The following PACS2 variants were observed in gnomAD, a reference collection of about 807,000 sequenced individuals.
PACS2 encodes the protein PACS1-like protein.
Under a neutral mutation model 113.0 loss-of-function variants are expected in PACS2, and 36 were observed. That is an observed-to-expected ratio of 0.32 (90% CI 0.24 to 0.42). The LOEUF is 0.42. Among genes scored for constraint, PACS2 ranks in the 10% least tolerant of loss-of-function variants. PACS2 has a pLI of 1.00. For synonymous variants in PACS2, 589 were observed against 536.1 expected (o/e 1.10, Z -1.36); for missense variants, 1,015 against 1,239.5 (o/e 0.82, Z 2.72).
intron 8 of PACS2, among the ~76,000 whole-genome samples, chr14:105,375,684 G>A (rs1385263358): frequency 1.3e-5 from 2 of 152,176 alleles, no homozygotes; most frequent in Admixed American, 1.3e-4. Context: ...GTAACAGCAG[G>A]AACCCACACC....
At chr14:105,368,172 C>T (rs782019866) in intron 6 of PACS2, 25 bp downstream of exon 6, 2 of 1,542,194 alleles carry the variant, frequency 1.3e-6, no homozygotes, top group South Asian at 1.1e-5. Flanking sequence ...GGGCTCCGCG[C>T]CCTCTCCTGG....
chr14:105,360,757 T>C (rs2060651820), intron 4 of PACS2, among the ~76,000 whole-genome samples: 1 of 152,150 alleles, frequency 6.6e-6, no homozygotes, highest in Non-Finnish European at 1.5e-5. Context: ...TAGTTCCCTG[T>C]CGCATGCGGT....
Position 105,384,470 on chromosome 14 carries a change from C to A in PACS2, c.1891+7C>A. 1 of 1,584,306 alleles carries A rather than the reference C, an allele frequency of 6.3e-7. No individual in the cohort carries two copies. Among genetic ancestry groups the A allele is most frequent in the Non-Finnish European group, 8.6e-7 (1 of 1,156,440 alleles). On this transcript the variant is annotated splice_region_variant and intron_variant, in intron 17 of 24. Coordinates refer to ENST00000447393, the MANE Select transcript of PACS2 (RefSeq NM_001100913.3). Reference sequence around the variant, plus strand: ...CTGGAGGCCCAGAGTGCGGGTGAGGCCCGGGCGCGTCCACAGCCCACGCCA... The same window carrying A: ...CTGGAGGCCCAGAGTGCGGGTGAGGACCGGGCGCGTCCACAGCCCACGCCA...
chr14:105,364,328 GGCGGCCCGGGGGTGTGGTGGGC>G (rs2060850462), intron 4 of PACS2, among the ~76,000 whole-genome samples: 1 of 132,036 alleles, frequency 7.6e-6, no homozygotes, highest in African/African-American at 4.0e-5. Context: ...CGCGGTGGGC[GGCGGCCCGGGGGTGTGGTGGGC>G]GGTGTCCCGG....
At chr14:105,321,813 T>G (rs979359781) in intron 1 of PACS2, among the ~76,000 whole-genome samples, 1 of 152,122 alleles carries the variant, frequency 6.6e-6, no homozygotes, top group Non-Finnish European at 1.5e-5. Flanking sequence ...AGCATTCTTT[T>G]GGATAATTTT....
chr14:105,394,555 C>A lies in PACS2; in HGVS notation c.2598C>A (p.Val866=). Residue 866 remains valine (V), a splice_region_variant and synonymous_variant, in exon 25 of 25, where the codon GTC becomes GTA. Transcript: ENST00000447393. The stretch of plus-strand genomic sequence containing the variant: ...CGGTCAGGCAGCCCTCTCCCACAGT[C>A]CTCATCGACGGCGTGGAGTGCAGCG... ...TARQQQNMLR[V]LIDGVECSDV... 2 of 1,612,468 alleles carry A rather than the reference C, an allele frequency of 1.2e-6. No homozygotes were observed. Among genetic ancestry groups the A allele is most frequent in the East Asian group, 4.5e-5 (2 of 44,878 alleles).
intron 1 of PACS2, among the ~76,000 whole-genome samples, chr14:105,342,709 G>A (rs1329913148): frequency 1.3e-5 from 2 of 151,730 alleles, no homozygotes; most frequent in Non-Finnish European, 2.9e-5. Context: ...CGAGGTGGGC[G>A]GGTCACTTGA....
At chr14:105,337,501 G>A (rs78595979) in intron 1 of PACS2, among the ~76,000 whole-genome samples, 2,294 of 152,298 alleles carry the variant, frequency 0.015, 57 homozygotes, top group African/African-American at 0.05. Flanking sequence ...CCAAAATAAG[G>A]CTGTCACCGT....
chr14:105,362,322 G>T (rs1167434731), intron 4 of PACS2, among the ~76,000 whole-genome samples: 4 of 151,044 alleles, frequency 2.6e-5, no homozygotes, highest in Non-Finnish European at 5.9e-5. Flanking sequence ...GGAGGCTGAG[G>T]CAGGAGAATG....
At chr14:105,327,323 G>C (rs587748161) in intron 1 of PACS2, among the ~76,000 whole-genome samples, 8 of 152,332 alleles carry the variant, frequency 5.3e-5, no homozygotes, top group South Asian at 4.1e-4. Flanking sequence ...GGCCAGGTCA[G>C]TGCCTGCCGC....
At chr14:105,327,627 G>A (rs2140887977) in intron 1 of PACS2, among the ~76,000 whole-genome samples, 1 of 152,364 alleles carries the variant, frequency 6.6e-6, no homozygotes, top group Non-Finnish European at 1.5e-5. Context: ...TGGGGAGGAT[G>A]TGGCAGGGGC....
At position 105,379,835 on chromosome 14, in the gene PACS2, TG is replaced by T; in HGVS notation, c.1050+10del. 1 of 1,611,364 alleles carries T rather than the reference TG, an allele frequency of 6.2e-7. No individual in the cohort carries two copies. Among genetic ancestry groups the T allele is most frequent in the South Asian group, 1.1e-5 (1 of 91,040 alleles). On this transcript the variant is annotated splice_region_variant and intron_variant, in intron 10 of 24. Transcript: ENST00000447393. ...ACAAGGAGCCCCCAAGCCCGGTGAG[TG>T]GGGCCACACTGATCTCCCAGAGCAG...
Position 105,315,254 on chromosome 14 carries a change from G to T in PACS2, c.119+217G>T. The stretch of plus-strand genomic sequence containing the variant: ...CCAGGTCCCGAGCACCGGGGGCCGC[G>T]CTCAGCTTCCGAGGACCCGGTGCTG... On this transcript the variant is annotated intron_variant, in intron 1 of 24. Transcript: ENST00000447393. The surrounding 1 kb of genome is among the most constrained non-coding windows in gnomAD (Gnocchi z 4.4). The T allele has an allele frequency of 5.9e-6, 1 of 170,232 alleles. No homozygotes were observed. Among genetic ancestry groups the T allele is most frequent in the Non-Finnish European group, 1.2e-5 (1 of 82,340 alleles). 10.5% of individuals were successfully genotyped at this position (170,232 alleles called of 1,614,324 possible).
At position 105,389,830 on chromosome 14, in the gene PACS2, T is replaced by TGTCCGGCAGGGCC. The variant is rs1423693157; in HGVS notation, c.2034-130_2034-118dup. 4.9e-6 allele frequency: 4 copies of TGTCCGGCAGGGCC among 816,358 alleles called. No homozygotes were observed. The African/African-American group carries it at 6.7e-5, about 14-fold the overall frequency. 50.6% of individuals were successfully genotyped at this position (816,358 alleles called of 1,614,324 possible). The stretch of plus-strand genomic sequence containing the variant: ...GGGGCCGGGACACACAGGGCAGGGC[T>TGTCCGGCAGGGCC]GTCCGGCAGGGCCATCCGGCAGGGC... On this transcript the variant is annotated intron_variant, in intron 19 of 24. Transcript: ENST00000447393.
In PACS2 at chr14:105,366,964, C is replaced by T. The variant is rs921442542; in HGVS notation, c.424-249C>T. 1.3e-5 allele frequency among the ~76,000 whole-genome samples: 2 copies of T among 152,174 alleles called. No homozygotes were observed. The highest frequency in any genetic ancestry group is 2.4e-5 in the African/African-American group (1 of 41,434). ...CAGTGCCCTCTGCTTATGGCCCGTT[C>T]GTGAAAGCTCCCACGTGTTCCTCTC... On this transcript the variant is annotated intron_variant, in intron 4 of 24. Coordinates refer to ENST00000447393, the MANE Select transcript of PACS2 (RefSeq NM_001100913.3). The surrounding 1 kb of genome is among the most constrained non-coding windows in gnomAD (Gnocchi z 4.3).
At position 105,315,043 on chromosome 14, in the gene PACS2, C is replaced by A; in HGVS notation, c.119+6C>A. On this transcript the variant is annotated splice_donor_region_variant and intron_variant, in intron 1 of 24. Transcript: ENST00000447393. The surrounding 1 kb of genome is among the most constrained non-coding windows in gnomAD (Gnocchi z 4.4). ...AGCCCCAGCTGCGTGCCCAGGTACGCGCCGCCCGCCGCGCTTTGTTCCCGC... is the reference window on the plus strand; with the variant it reads ...AGCCCCAGCTGCGTGCCCAGGTACGAGCCGCCCGCCGCGCTTTGTTCCCGC... 1 of 1,172,100 alleles carries A rather than the reference C, an allele frequency of 8.5e-7. No homozygotes were observed. The highest frequency in any genetic ancestry group is 4.1e-5 in the Admixed American group (1 of 24,370). The allele number at this position is 1,172,100 out of a possible 1,614,324, so 72.6% of individuals were successfully genotyped here. A position where few individuals can be genotyped will look rare whatever the true frequency, so the allele number is the denominator to read the frequency against.
rs587738498 is a variant in PACS2 at position 105,362,426 on chromosome 14, A to G, written c.424-4787A>G. ...AGCGAGACTCCGTCTCAAAAAAAAA[A>G]AAAAGAAAAGAAAAAAAAAGAATGG... On this transcript the variant is annotated intron_variant, in intron 4 of 24. Transcript: ENST00000447393. Among the ~76,000 whole-genome samples, 71 of 151,272 alleles carry G rather than the reference A, an allele frequency of 4.7e-4. 1 individual carries two copies. Among genetic ancestry groups the G allele is most frequent in the East Asian group, 7.9e-4 (4 of 5,090 alleles).
rs1221543126 is a variant in PACS2, at chr14:105,324,762, G to C, written c.119+9725G>C. 1.3e-5 allele frequency among the ~76,000 whole-genome samples: 2 copies of C among 152,194 alleles called. No homozygotes were observed. The highest frequency in any genetic ancestry group is 2.9e-5 in the Non-Finnish European group (2 of 68,004). On this transcript the variant is annotated intron_variant, in intron 1 of 24. Transcript: ENST00000447393. The surrounding 1 kb of genome is among the most constrained non-coding windows in gnomAD (Gnocchi z 4.7). The stretch of plus-strand genomic sequence containing the variant: ...GGGGGCAGGCTCTCCAGGAGCCCCA[G>C]GGAGCACTGGCTACTGCTGGGCTGC...
Position 105,366,067 on chromosome 14 carries a change from C to T in PACS2, c.424-1146C>T, listed in dbSNP as rs1555407877. On this transcript the variant is annotated intron_variant, in intron 4 of 24. Coordinates refer to ENST00000447393, the MANE Select transcript of PACS2 (RefSeq NM_001100913.3). The surrounding 1 kb of genome is among the most constrained non-coding windows in gnomAD (Gnocchi z 4.3). ...ACCCCACAATCAAAATAAATCTGGT[C>T]GGCTGGGCGTGGTGGCTCACGCCTG... 6.6e-6 allele frequency among the ~76,000 whole-genome samples: 1 copy of T among 152,154 alleles called. No individual in the cohort carries two copies. Among genetic ancestry groups the T allele is most frequent in the East Asian group, 1.9e-4 (1 of 5,196 alleles).
Sources: gnomAD v4.1 joint callset for allele counts (sites outside exome capture counted in the v4.1 genomes callset) on GRCh38, gnomAD v4.1.1 for gene constraint, Gnocchi (gnomAD v3.1) non-coding constraint, MANE v1.5 for transcripts, NCBI Gene and HGNC (gene_info 2026-07-23, HGNC 2026-07-21) for gene names.